Variants in NDUFA10 observed in about 807,000 individuals in gnomAD.
The protein encoded by NDUFA10 is NADH dehydrogenase [ubiquinone] 1 alpha subcomplex subunit 10, mitochondrial.
NDUFA10 carries 40 observed loss-of-function variants against 47.8 expected under a neutral mutation model. The ratio of observed to expected loss-of-function variants is 0.84; its 90% CI spans 0.65 to 1.09. NDUFA10 has a LOEUF of 1.09. NDUFA10 is among the 50% of genes least tolerant of loss of function. NDUFA10 has a pLI of 0.00. For synonymous variants in NDUFA10, 183 were observed against 172.2 expected (o/e 1.06, Z -0.49); for missense variants, 413 against 451.1 (o/e 0.92, Z 0.76).
intron 8 of NDUFA10, among the ~76,000 whole-genome samples, chr2:239,997,025 T>C (rs181444951): frequency 5.3e-5 from 8 of 152,266 alleles, no homozygotes; most frequent in Non-Finnish European, 8.8e-5. Flanking sequence ...ATAGTTGTTA[T>C]ACTGTATTTT....
intron 9 of NDUFA10, chr2:239,983,671 T>C: frequency 6.3e-7 from 1 of 1,577,346 alleles, no homozygotes; most frequent in Non-Finnish European, 8.6e-7. Flanking sequence ...CCCCTGATGC[T>C]TCACCTCTGT....
At position 239,945,040 on chromosome 2, in the gene NDUFA10, C is replaced by T. The variant is rs968909755; in HGVS notation, c.294+45034G>A. On this transcript the variant is annotated intron_variant, in intron 4 of 5. Transcript: ENST00000419408. This position sits in a 1 kb window ranked among gnomAD's most constrained non-coding sequence, Gnocchi z 4.6. ...GCTTCTTTATTGCAAGGTGCCTCCC[C>T]GAGACAGAATTCCATGGTTTTGGTA... 1.4e-4 allele frequency among the ~76,000 whole-genome samples: 21 copies of T among 152,016 alleles called. No homozygotes were observed. Among genetic ancestry groups the T allele is most frequent in the African/African-American group, 4.8e-4 (20 of 41,390 alleles).
intron 6 of NDUFA10, among the ~76,000 whole-genome samples, chr2:240,010,917 G>A (rs1323119822): frequency 6.6e-6 from 1 of 152,006 alleles, no homozygotes; most frequent in Non-Finnish European, 1.5e-5. Context: ...GAGATTTTTA[G>A]GCACCGAAAG....
In NDUFA10 at chr2:239,935,391, C is replaced by T. The variant is rs116017105; in HGVS notation, c.295-40077G>A. 1.0e-2 allele frequency among the ~76,000 whole-genome samples: 1,516 copies of T among 152,316 alleles called. 21 individuals carry two copies. The highest frequency in any genetic ancestry group is 0.032 in the African/African-American group (1,317 of 41,578). ...GGGAAAATTACAATTCATCGCTGACCGGATTCCCTGGGCCCTGCAGGCCGA... is the reference window on the plus strand; with the variant it reads ...GGGAAAATTACAATTCATCGCTGACTGGATTCCCTGGGCCCTGCAGGCCGA... On this transcript the variant is annotated intron_variant, in intron 4 of 5. Transcript: ENST00000419408.
chr2:240,017,886 C>A (rs1318690011), intron 4 of NDUFA10: 6 of 1,569,040 alleles, frequency 3.8e-6, no homozygotes, highest in Non-Finnish European at 5.2e-6. Flanking sequence ...CAGCTTTCCA[C>A]TGGCTCCAGC....
chr2:239,932,681 G>A (rs1487484587), intron 4 of NDUFA10, among the ~76,000 whole-genome samples: 4 of 151,870 alleles, frequency 2.6e-5, no homozygotes, highest in Non-Finnish European at 5.9e-5. Flanking sequence ...CCGGGTTCAC[G>A]CCATTCTCCT....
Position 239,940,705 on chromosome 2 carries a change from A to C in NDUFA10, c.295-45391T>G, listed in dbSNP as rs555574164. Among the ~76,000 whole-genome samples the C allele has an allele frequency of 5.9e-4, 90 of 152,362 alleles. 3 individuals are homozygous for C. Among genetic ancestry groups the C allele is most frequent in the African/African-American group, 2.0e-3 (85 of 41,590 alleles). On this transcript the variant is annotated intron_variant, in intron 4 of 5. Transcript: ENST00000419408. ...AGATGTTATCACCAGTTCAAAACAG[A>C]ATCCAAAGAATAGCCACACTTAGAG...
chr2:239,899,909 G>A (rs1273466849), intron 4 of NDUFA10, among the ~76,000 whole-genome samples: 2 of 150,406 alleles, frequency 1.3e-5, no homozygotes, highest in African/African-American at 4.9e-5. Context: ...CAGTCAGTAG[G>A]CCAGGAAGCC....
In NDUFA10 at chr2:239,928,175, A is replaced by G. The variant is rs1041612435; in HGVS notation, c.295-32861T>C. Among the ~76,000 whole-genome samples, 2 of 151,938 alleles carry G rather than the reference A, an allele frequency of 1.3e-5. No individual in the cohort carries two copies. The highest frequency in any genetic ancestry group is 4.8e-5 in the African/African-American group (2 of 41,346). On this transcript the variant is annotated intron_variant, in intron 4 of 5. Transcript: ENST00000419408. The surrounding 1 kb of genome is among the most constrained non-coding windows in gnomAD (Gnocchi z 4.3). ...GTACAAAGATTCCAGGACTTTAAAA[A>G]AAAAATAACAAAAGAAGAAAACAAA...
At chr2:239,938,154 G>A (rs542534855) in intron 4 of NDUFA10, among the ~76,000 whole-genome samples, 58 of 152,250 alleles carry the variant, frequency 3.8e-4, no homozygotes, top group Non-Finnish European at 7.2e-4. Flanking sequence ...TTCTCTTCTC[G>A]GACAGCTCCC....
At chr2:240,010,511 ATC>A (rs1697098662) in intron 6 of NDUFA10, among the ~76,000 whole-genome samples, 1 of 152,134 alleles carries the variant, frequency 6.6e-6, no homozygotes, top group African/African-American at 2.4e-5. Flanking sequence ...AGGGTCAACT[ATC>A]TCTGTTTATG....
At chr2:239,897,125 T>C (rs183839775) in intron 4 of NDUFA10, among the ~76,000 whole-genome samples, 130 of 152,324 alleles carry the variant, frequency 8.5e-4, no homozygotes, top group East Asian at 3.7e-3. Context: ...CATGAGAGCT[T>C]TGGCATGGAA....
chr2:239,978,653 C>T (rs1222761447), intron 9 of NDUFA10, among the ~76,000 whole-genome samples: 1 of 152,236 alleles, frequency 6.6e-6, no homozygotes, highest in Non-Finnish European at 1.5e-5. Flanking sequence ...GGTCTGTTTC[C>T]CAGCAGCGAC....
intron 9 of NDUFA10, among the ~76,000 whole-genome samples, chr2:239,981,212 C>T (rs1303039301): frequency 6.6e-6 from 1 of 152,222 alleles, no homozygotes; most frequent in African/African-American, 2.4e-5. Context: ...TCCTGTACTT[C>T]ATCTGGCAAC....
At chr2:239,949,924 C>A (rs143803082) in intron 4 of NDUFA10, among the ~76,000 whole-genome samples, 232 of 152,306 alleles carry the variant, frequency 1.5e-3, no homozygotes, top group African/African-American at 5.4e-3. Flanking sequence ...ATCTGTTCAT[C>A]CTGTGGGTCC....
intron 4 of NDUFA10, among the ~76,000 whole-genome samples, chr2:239,913,913 G>C (rs1385405027): frequency 6.6e-6 from 1 of 152,224 alleles, no homozygotes; most frequent in Non-Finnish European, 1.5e-5. Flanking sequence ...TCATCCACAT[G>C]TGTGGCCTCT....
intron 8 of NDUFA10, among the ~76,000 whole-genome samples, chr2:239,991,345 C>T (rs781139219): frequency 1.8e-4 from 28 of 152,352 alleles, no homozygotes; most frequent in Non-Finnish European, 3.1e-4. Flanking sequence ...CAAGAAACTG[C>T]TGCCAGGATA....
chr2:239,960,032 G>A lies in NDUFA10; in HGVS notation c.*1086C>T, dbSNP rs1365009047. The A allele has an allele frequency of 2.0e-6, 2 of 984,844 alleles. No homozygotes were observed. The highest frequency in any genetic ancestry group is 2.3e-4 in the East Asian group (2 of 8,810). The allele number at this position is 984,844 out of a possible 1,614,324, so 61.0% of individuals were successfully genotyped here. A position where few individuals can be genotyped will look rare whatever the true frequency, so the allele number is the denominator to read the frequency against. ...CTGAACTATGGCCAGTGCAACCAAGGAACCCAATTTTAAACTCTATTACAT... is the reference window on the plus strand; with the variant it reads ...CTGAACTATGGCCAGTGCAACCAAGAAACCCAATTTTAAACTCTATTACAT... On this transcript the variant is annotated 3_prime_UTR_variant, in exon 10 of 10. Coordinates refer to ENST00000252711, the MANE Select transcript of NDUFA10 (RefSeq NM_004544.4).
chr2:239,934,876 A>G (rs1694238856), intron 4 of NDUFA10, among the ~76,000 whole-genome samples: 1 of 151,396 alleles, frequency 6.6e-6, no homozygotes, highest in Non-Finnish European at 1.5e-5. Context: ...AGACAACCCC[A>G]CTCCCTCTCG....
Sources: gnomAD v4.1 joint callset for allele counts (sites outside exome capture counted in the v4.1 genomes callset) on GRCh38, gnomAD v4.1.1 for gene constraint, Gnocchi (gnomAD v3.1) non-coding constraint, MANE v1.5 for transcripts, NCBI Gene and HGNC (gene_info 2026-07-23, HGNC 2026-07-21) for gene names.